ARPC1A: variants seen among roughly 807,000 people sequenced by gnomAD.
ARPC1A encodes the protein actin-related protein 2/3 complex subunit 1A.
A neutral mutation model predicts 46.9 loss-of-function variants in ARPC1A; 8 were observed. The observed-to-expected ratio is 0.17, with a 90% CI of 0.10 to 0.31. ARPC1A has a LOEUF of 0.31. ARPC1A is among the 10% of genes least tolerant of loss of function. ARPC1A has a pLI of 1.00. For missense variants in ARPC1A, 286 were observed against 483.6 expected, an observed-to-expected ratio of 0.59 and a Z score of 3.83; for synonymous variants, 152 against 169.0, an observed-to-expected ratio of 0.90 and a Z score of 0.78.
At chr7:99,334,949 T>C (rs1793214770) in intron 2 of ARPC1A, among the ~76,000 whole-genome samples, 1 of 152,196 alleles carries the variant, frequency 6.6e-6, no homozygotes, top group Non-Finnish European at 1.5e-5. Context: ...GTTCACACCA[T>C]TCTCCTGCCT....
chr7:99,355,153 A>G (rs1208452151), intron 6 of ARPC1A, among the ~76,000 whole-genome samples: 1 of 151,808 alleles, frequency 6.6e-6, no homozygotes, highest in African/African-American at 2.4e-5. Context: ...ATAGTGGCAT[A>G]TGCCTGTAAT....
chr7:99,360,074 A>G (rs1471928852), intron 8 of ARPC1A: 2 of 370,116 alleles, frequency 5.4e-6, no homozygotes, highest in Admixed American at 3.9e-5. Flanking sequence ...ACTCGAGAAC[A>G]AAAGGAGACA....
chr7:99,351,815 A>G (rs1043709143), intron 5 of ARPC1A, among the ~76,000 whole-genome samples: 5 of 152,170 alleles, frequency 3.3e-5, no homozygotes, highest in African/African-American at 1.2e-4. Flanking sequence ...CAAAGTAGAA[A>G]TCACATTGGA....
chr7:99,361,224 CTGGCACCA>C (rs1793734729), intron 8 of ARPC1A, among the ~76,000 whole-genome samples: 1 of 152,018 alleles, frequency 6.6e-6, no homozygotes, highest in Admixed American at 6.6e-5. Flanking sequence ...AACCAGAGAC[CTGGCACCA>C]TGTCTCACAC....
intron 5 of ARPC1A, among the ~76,000 whole-genome samples, chr7:99,352,984 T>C (rs1793569513): frequency 6.6e-6 from 1 of 151,872 alleles, no homozygotes; most frequent in Non-Finnish European, 1.5e-5. Flanking sequence ...TATATATATA[T>C]ACTAGAATAT....
At chr7:99,329,785 T>TCTGCAGCTGTACTTTTCAA (rs1793114568) in intron 1 of ARPC1A, among the ~76,000 whole-genome samples, 1 of 152,266 alleles carries the variant, frequency 6.6e-6, no homozygotes, top group Non-Finnish European at 1.5e-5. Context: ...AAGCCTTTTG[T>TCTGCAGCTGTACTTTTCAA]CTGCAGCTGT....
chr7:99,332,084 T>C (rs1389379962), intron 1 of ARPC1A, among the ~76,000 whole-genome samples: 1 of 152,208 alleles, frequency 6.6e-6, no homozygotes, highest in Non-Finnish European at 1.5e-5. Context: ...ATTTCCTCCT[T>C]GTGTTGCTTG....
intron 3 of ARPC1A, among the ~76,000 whole-genome samples, chr7:99,343,380 C>A (rs979054830): frequency 1.3e-5 from 2 of 151,714 alleles, no homozygotes; most frequent in Non-Finnish European, 2.9e-5. Context: ...GCAGGAGAAT[C>A]GCTTGAACCC....
At chr7:99,338,332 C>T in intron 3 of ARPC1A, 47 bp downstream of exon 3, 4 of 1,395,812 alleles carry the variant, frequency 2.9e-6, no homozygotes, top group Non-Finnish European at 3.9e-6. Flanking sequence ...CCAAATCAGG[C>T]ACTCTTCCTT....
intron 1 of ARPC1A, among the ~76,000 whole-genome samples, chr7:99,327,552 G>A (rs1310117432): frequency 2.7e-5 from 4 of 150,442 alleles, no homozygotes; most frequent in Non-Finnish European, 2.9e-5. Context: ...GAGCTCCTAA[G>A]CTCAAGCTAT....
chr7:99,341,406 G>T (rs1793355352), intron 3 of ARPC1A, among the ~76,000 whole-genome samples: 1 of 152,024 alleles, frequency 6.6e-6, no homozygotes, highest in Non-Finnish European at 1.5e-5. Context: ...TCGGGAGTTC[G>T]AGACCAGCGT....
chr7:99,334,931 C>G (rs1242068968), intron 2 of ARPC1A, among the ~76,000 whole-genome samples: 1 of 152,168 alleles, frequency 6.6e-6, no homozygotes, highest in Non-Finnish European at 1.5e-5. Flanking sequence ...GCAAGCTCCG[C>G]CTCCGGGGTT....
intron 6 of ARPC1A, 127 bp downstream of exon 6, chr7:99,354,248 C>T (rs1793594965): frequency 9.1e-6 from 10 of 1,100,098 alleles, no homozygotes; most frequent in South Asian, 8.3e-5. Flanking sequence ...TCAGGCCAGG[C>T]GTGGTGGCTC....
intron 1 of ARPC1A, among the ~76,000 whole-genome samples, chr7:99,331,763 A>G (rs992655651): frequency 1.3e-5 from 2 of 152,024 alleles, no homozygotes; most frequent in Non-Finnish European, 2.9e-5. Flanking sequence ...TACTAAAAAT[A>G]CAAAAATTAG....
chr7:99,355,826 G>C (rs890303360), intron 6 of ARPC1A, among the ~76,000 whole-genome samples: 1 of 151,844 alleles, frequency 6.6e-6, no homozygotes, highest in Non-Finnish European at 1.5e-5. Context: ...AATTAAATAG[G>C]AGATATATTC....
chr7:99,355,141 G>A (rs539908610), intron 6 of ARPC1A, among the ~76,000 whole-genome samples: 179 of 149,792 alleles, frequency 1.2e-3, no homozygotes, highest in Non-Finnish European at 2.1e-3. Flanking sequence ...AATCAGCCCG[G>A]CATAGTGGCA....
intron 2 of ARPC1A, among the ~76,000 whole-genome samples, chr7:99,334,357 CTT>C (rs2150859552): frequency 6.6e-6 from 1 of 151,282 alleles, no homozygotes; most frequent in Non-Finnish European, 1.5e-5. Context: ...GCAAGACTCT[CTT>C]TCTCAAAAAA....
intron 8 of ARPC1A, 178 bp from the exon 9 acceptor site, chr7:99,363,364 GA>G (rs200486609): frequency 0.011 from 6,107 of 571,626 alleles, 54 homozygotes; most frequent in Middle Eastern, 0.019. Flanking sequence ...AGGATCACTT[GA>G]GCCCAGGAGT....
chr7:99,351,859 C>T (rs1211167458), intron 5 of ARPC1A, among the ~76,000 whole-genome samples: 1 of 152,172 alleles, frequency 6.6e-6, no homozygotes, highest in African/African-American at 2.4e-5. Flanking sequence ...GATTTCCAGC[C>T]GTTCCCCTTT....
Sources: allele counts gnomAD v4.1 joint callset (sites outside exome capture counted in the v4.1 genomes callset), GRCh38; gene constraint gnomAD v4.1.1; transcripts MANE v1.5; gene names NCBI Gene and HGNC (gene_info 2026-07-23, HGNC 2026-07-21).